Variants in ZNF704 observed in about 807,000 individuals in gnomAD.
The protein encoded by ZNF704 is zinc finger protein 704.
ZNF704 carries 10 observed loss-of-function variants against 44.7 expected under a neutral mutation model. The ratio of observed to expected loss-of-function variants is 0.22; its 90% CI spans 0.14 to 0.38. The LOEUF (loss-of-function observed/expected upper bound fraction) is 0.38. Ranked by LOEUF, ZNF704 falls within the 10% of genes least tolerant of loss-of-function variation. ZNF704 has a pLI of 1.00. For missense variants in ZNF704, 390 were observed against 545.5 expected, an observed-to-expected ratio of 0.71 and a Z score of 2.84; for synonymous variants, 211 against 207.6, an observed-to-expected ratio of 1.02 and a Z score of -0.14.
At chr8:80,657,889 G>T (rs968716429) in intron 7 of ZNF704, among the ~76,000 whole-genome samples, 1 of 152,002 alleles carries the variant, frequency 6.6e-6, no homozygotes, top group African/African-American at 2.4e-5. Context: ...TGAAATGAGG[G>T]ATTCTGTAAA....
intron 2 of ZNF704, among the ~76,000 whole-genome samples, chr8:80,734,219 G>C (rs772025677): frequency 3.3e-5 from 5 of 152,198 alleles, no homozygotes; most frequent in Non-Finnish European, 5.9e-5. Flanking sequence ...TTAGTCTTCA[G>C]AGAAGGACAC....
intron 2 of ZNF704, among the ~76,000 whole-genome samples, chr8:80,792,809 T>C (rs1313479840): frequency 2.0e-5 from 3 of 152,158 alleles, no homozygotes; most frequent in Non-Finnish European, 4.4e-5. Flanking sequence ...GCAACAATCA[T>C]ATGTGCTCAG....
intron 1 of ZNF704, among the ~76,000 whole-genome samples, chr8:80,869,842 C>T (rs1435608132): frequency 3.3e-5 from 5 of 152,206 alleles, no homozygotes; most frequent in Non-Finnish European, 4.4e-5. Context: ...ATTCTCCTTG[C>T]TGGCTTGATG....
intron 5 of ZNF704, among the ~76,000 whole-genome samples, chr8:80,667,765 C>T (rs1052242176): frequency 3.3e-5 from 5 of 152,152 alleles, no homozygotes; most frequent in Admixed American, 6.5e-5. Context: ...TGAGGTTAGA[C>T]TTCCTAGGTT....
At chr8:80,734,147 A>G (rs1367100787) in intron 2 of ZNF704, among the ~76,000 whole-genome samples, 1 of 152,236 alleles carries the variant, frequency 6.6e-6, no homozygotes, top group African/African-American at 2.4e-5. Flanking sequence ...TCGTTTCTAC[A>G]GAGACTGTCA....
chr8:80,868,789 CAT>C (rs1563583209), intron 1 of ZNF704, among the ~76,000 whole-genome samples: 2 of 152,190 alleles, frequency 1.3e-5, no homozygotes, highest in African/African-American at 4.8e-5. Context: ...CCCACTGACA[CAT>C]GATTTTTCTG....
intron 1 of ZNF704, among the ~76,000 whole-genome samples, chr8:80,868,220 G>A (rs776663920): frequency 7.2e-5 from 11 of 152,296 alleles, no homozygotes; most frequent in Middle Eastern, 3.4e-3. Flanking sequence ...GTGGTAGGCA[G>A]GGGAGTAGGG....
Position 80,641,326 on chromosome 8 carries a change from G to T in ZNF704, c.*40C>A. The stretch of plus-strand genomic sequence containing the variant: ...CACCTGCAGTGGCAGGCCAGGGCAG[G>T]AGCGGCTCAGGGCCCTGAGCCCCTC... On this transcript the variant is annotated 3_prime_UTR_variant, in exon 9 of 9. Coordinates refer to ENST00000327835, the MANE Select transcript of ZNF704 (RefSeq NM_001033723.3). 1 of 1,365,136 alleles carries T rather than the reference G, an allele frequency of 7.3e-7. No homozygotes were observed. Among genetic ancestry groups the T allele is most frequent in the Non-Finnish European group, 1.0e-6 (1 of 1,000,164 alleles). The allele number at this position is 1,365,136 out of a possible 1,614,324, so 84.6% of individuals were successfully genotyped here. A position where few individuals can be genotyped will look rare whatever the true frequency, so the allele number is the denominator to read the frequency against.
intron 2 of ZNF704, among the ~76,000 whole-genome samples, chr8:80,759,199 A>T (rs1807086837): frequency 6.6e-6 from 1 of 152,190 alleles, no homozygotes; most frequent in African/African-American, 2.4e-5. Context: ...GCACCTGAGC[A>T]GTTAACTAGA....
intron 2 of ZNF704, among the ~76,000 whole-genome samples, chr8:80,817,309 A>C (rs180908565): frequency 6.6e-6 from 1 of 152,344 alleles, no homozygotes; most frequent in East Asian, 1.9e-4. Context: ...TGGCCGCTGA[A>C]ACCATCTGCT....
intron 2 of ZNF704, among the ~76,000 whole-genome samples, chr8:80,774,751 T>G (rs1180347019): frequency 6.6e-6 from 1 of 152,212 alleles, no homozygotes; most frequent in African/African-American, 2.4e-5. Flanking sequence ...CCTTCTGTGG[T>G]GTTCGGCTAG....
intron 7 of ZNF704, among the ~76,000 whole-genome samples, chr8:80,653,578 C>T (rs1309550701): frequency 1.3e-5 from 2 of 152,168 alleles, no homozygotes; most frequent in African/African-American, 2.4e-5. Context: ...CATGAGTGAA[C>T]TCCCATTCAC....
intron 1 of ZNF704, among the ~76,000 whole-genome samples, chr8:80,828,689 A>G (rs558499365): frequency 1.3e-5 from 2 of 152,370 alleles, no homozygotes; most frequent in Admixed American, 6.5e-5. Flanking sequence ...TAAGGCCATA[A>G]GCATAAATCA....
chr8:80,779,685 T>A (rs1005289414), intron 2 of ZNF704, among the ~76,000 whole-genome samples: 3 of 151,912 alleles, frequency 2.0e-5, no homozygotes, highest in African/African-American at 7.2e-5. Context: ...ATAATACATT[T>A]CACATTAAGA....
At chr8:80,690,868 G>C (rs1818621970) in intron 3 of ZNF704, among the ~76,000 whole-genome samples, 1 of 152,200 alleles carries the variant, frequency 6.6e-6, no homozygotes, top group African/African-American at 2.4e-5. Context: ...AATTACCTGG[G>C]TGTGGTGGCA....
intron 1 of ZNF704, among the ~76,000 whole-genome samples, chr8:80,826,585 T>C (rs898376587): frequency 1.3e-5 from 2 of 152,168 alleles, no homozygotes; most frequent in African/African-American, 4.8e-5. Flanking sequence ...GAGGCCAGCA[T>C]CATCCTGATA....
intron 7 of ZNF704, among the ~76,000 whole-genome samples, chr8:80,656,123 T>TC (rs1818012597): frequency 1.3e-5 from 2 of 152,164 alleles, no homozygotes; most frequent in Admixed American, 1.3e-4. Flanking sequence ...GGTGCATTCC[T>TC]CCATGCTTGC....
chr8:80,839,511 A>T (rs1424519003), intron 1 of ZNF704, among the ~76,000 whole-genome samples: 1 of 152,244 alleles, frequency 6.6e-6, no homozygotes, highest in Non-Finnish European at 1.5e-5. Flanking sequence ...TAATAAATGC[A>T]GCTAGAGTGT....
At chr8:80,645,034 C>T (rs957350919) in intron 7 of ZNF704, 49 of 1,312,942 alleles carry the variant, frequency 3.7e-5, no homozygotes, top group Non-Finnish European at 5.0e-5. Flanking sequence ...TGCTGAATGC[C>T]AAGATTCCTC....
Sources: allele counts gnomAD v4.1 joint callset (sites outside exome capture counted in the v4.1 genomes callset), GRCh38; gene constraint gnomAD v4.1.1; transcripts MANE v1.5; gene names NCBI Gene and HGNC (gene_info 2026-07-23, HGNC 2026-07-21).